The following FRMPD4 variants were observed in gnomAD, a reference collection of about 807,000 sequenced individuals.
FRMPD4 encodes FERM and PDZ domain-containing protein 4.
A neutral mutation model predicts 94.1 loss-of-function variants in FRMPD4; 22 were observed. The observed-to-expected ratio is 0.23, with a 90% CI of 0.17 to 0.33. The LOEUF (loss-of-function observed/expected upper bound fraction) is 0.33, where lower values mean the gene tolerates loss of function less well. Ranked by LOEUF, FRMPD4 falls within the 10% of genes least tolerant of loss-of-function variation. The pLI, the probability that FRMPD4 is intolerant of heterozygous loss-of-function variation, is 1.00. For missense variants in FRMPD4, 1,111 were observed against 1,339.9 expected, an observed-to-expected ratio of 0.83 and a Z score of 2.67; for synonymous variants, 631 against 548.6, an observed-to-expected ratio of 1.15 and a Z score of -2.10.
At chrX:12,515,384 T>G (rs1481319604) in intron 2 of FRMPD4, among the ~76,000 whole-genome samples, 1 of 110,227 alleles carries the variant, frequency 9.1e-6, no homozygotes, top group Non-Finnish European at 1.9e-5. Context: ...GATTCTGGTA[T>G]GTTGTCTCTT....
At chrX:12,402,044 A>G (rs1200637743) in intron 1 of FRMPD4, among the ~76,000 whole-genome samples, 2 of 110,641 alleles carry the variant, frequency 1.8e-5, no homozygotes, top group African/African-American at 3.3e-5. Context: ...GTTAAATCCC[A>G]TGGTTTCCTG....
chrX:12,086,034 T>C (rs2055106574), intron 3 of FRMPD4, among the ~76,000 whole-genome samples: 1 of 111,050 alleles, frequency 9.0e-6, no homozygotes, highest in African/African-American at 3.3e-5. Flanking sequence ...AGCATTATAT[T>C]TGAGTATTTT....
chrX:12,219,958 A>G (rs2056845902), intron 1 of FRMPD4, among the ~76,000 whole-genome samples: 1 of 112,074 alleles, frequency 8.9e-6, no homozygotes, highest in Non-Finnish European at 1.9e-5. Context: ...CCCGACCAAC[A>G]TGGAGAAACC....
chrX:12,413,092 A>T (rs966847711), intron 1 of FRMPD4, among the ~76,000 whole-genome samples: 1 of 111,051 alleles, frequency 9.0e-6, no homozygotes, highest in Non-Finnish European at 1.9e-5. Context: ...ATGCTAGATG[A>T]CTTCCAGCAG....
At chrX:11,988,835 C>T (rs1177414719) in intron 3 of FRMPD4, among the ~76,000 whole-genome samples, 1 of 111,725 alleles carries the variant, frequency 9.0e-6, no homozygotes, top group Non-Finnish European at 1.9e-5. Flanking sequence ...ATACAAATGG[C>T]AAACAGGCAC....
chrX:12,233,856 A>G (rs2057040089), intron 1 of FRMPD4, among the ~76,000 whole-genome samples: 1 of 111,682 alleles, frequency 9.0e-6, no homozygotes, highest in Non-Finnish European at 1.9e-5. Context: ...TTGTGTTCCC[A>G]GGGATCTTAC....
At chrX:12,517,988 T>C (rs1197045323) in intron 2 of FRMPD4, among the ~76,000 whole-genome samples, 1 of 112,323 alleles carries the variant, frequency 8.9e-6, no homozygotes, top group African/African-American at 3.2e-5. Flanking sequence ...CTGGCCACGA[T>C]CTGCCACAGC....
At chrX:12,136,108 G>A (rs857352), upstream of FRMPD4, among the ~76,000 whole-genome samples, 10,878 of 111,204 alleles carry the variant, frequency 0.098, 468 homozygotes, top group African/African-American at 0.15. Context: ...TGTAAGCCAC[G>A]AAGTCATACA....
At chrX:12,240,401 A>G (rs2057115965) in intron 1 of FRMPD4, among the ~76,000 whole-genome samples, 1 of 112,284 alleles carries the variant, frequency 8.9e-6, no homozygotes, top group Admixed American at 9.4e-5. Context: ...CGGTAAATGC[A>G]GTCTAGTAAA....
chrX:12,302,839 A>G (rs1388933352), intron 1 of FRMPD4, among the ~76,000 whole-genome samples: 1 of 112,359 alleles, frequency 8.9e-6, no homozygotes, highest in Non-Finnish European at 1.9e-5. Flanking sequence ...GAATAATGCA[A>G]TACATATAAT....
chrX:12,073,578 T>C lies in FRMPD4; in HGVS notation c.95+195560T>C, dbSNP rs142628120. Among the ~76,000 whole-genome samples the C allele has an allele frequency of 7.1e-3, 803 of 112,311 alleles. 4 individuals carry two copies. Among genetic ancestry groups the C allele is most frequent in the African/African-American group, 0.025 (771 of 30,933 alleles). ...CCATAATTTGCTGACCCTTGTTTTA[T>C]GGCATATGCCTAGCAGTGGCATTAC... On this transcript the variant is annotated intron_variant, in intron 3 of 18. Transcript: ENST00000640291.
intron 1 of FRMPD4, among the ~76,000 whole-genome samples, chrX:12,230,966 ATAT>A (rs1172246759): frequency 1.5e-5 from 1 of 64,529 alleles, no homozygotes; most frequent in Non-Finnish European, 2.6e-5. Flanking sequence ...TATATAGTAA[ATAT>A]ATAGTAATAT....
At chrX:12,655,890 T>C (rs1195208994) in intron 4 of FRMPD4, among the ~76,000 whole-genome samples, 1 of 112,195 alleles carries the variant, frequency 8.9e-6, no homozygotes, top group African/African-American at 3.2e-5. Context: ...TCCCAATAAT[T>C]TTCATACAGT....
chrX:12,024,455 CTT>C (rs1180673685), intron 3 of FRMPD4, among the ~76,000 whole-genome samples: 1 of 112,114 alleles, frequency 8.9e-6, no homozygotes, highest in East Asian at 2.8e-4. Context: ...TAAAGCCACT[CTT>C]GAAAGAGTTG....
intron 3 of FRMPD4, among the ~76,000 whole-genome samples, chrX:11,995,218 G>A (rs747007530): frequency 2.7e-5 from 3 of 111,800 alleles, no homozygotes; most frequent in African/African-American, 6.5e-5. Context: ...TTTCCAAAGA[G>A]ATCTGAAGAA....
At chrX:11,844,213 C>T (rs1601798617) in intron 1 of FRMPD4, among the ~76,000 whole-genome samples, 1 of 106,744 alleles carries the variant, frequency 9.4e-6, no homozygotes, top group Admixed American at 1.0e-4. Flanking sequence ...GCTAAGCTGG[C>T]CTCAAACCCC....
chrX:12,157,436 AC>A (rs1282735758), intron 1 of FRMPD4, among the ~76,000 whole-genome samples: 2 of 111,267 alleles, frequency 1.8e-5, no homozygotes, highest in African/African-American at 6.6e-5. Context: ...AGACTTCAGG[AC>A]CCAGGCTGAG....
intron 4 of FRMPD4, among the ~76,000 whole-genome samples, chrX:12,633,419 A>C (rs1182161468): frequency 9.0e-6 from 1 of 111,672 alleles, no homozygotes; most frequent in Non-Finnish European, 1.9e-5. Context: ...AGTCTTCAGT[A>C]GCTGGTGTGG....
At chrX:12,699,478 G>A (rs764779658) in intron 9 of FRMPD4, among the ~76,000 whole-genome samples, 7 of 112,875 alleles carry the variant, frequency 6.2e-5, no homozygotes, top group East Asian at 2.8e-4. Flanking sequence ...CCCATGGCAC[G>A]TGGATACAGA....
Sources: allele counts gnomAD v4.1 joint callset (sites outside exome capture counted in the v4.1 genomes callset), GRCh38; gene constraint gnomAD v4.1.1; transcripts MANE v1.5; gene names NCBI Gene and HGNC (gene_info 2026-07-23, HGNC 2026-07-21).